ADAM32: variants seen among roughly 807,000 people sequenced by gnomAD.
ADAM32 encodes the protein ADAM metallopeptidase domain 32.
In ADAM32, 89 loss-of-function variants were observed where a neutral mutation model predicts 114.9. The ratio of observed to expected loss-of-function variants is 0.77; its 90% CI spans 0.65 to 0.92. ADAM32 has a LOEUF of 0.92. Among genes scored for constraint, ADAM32 ranks in the 40% least tolerant of loss-of-function variants. The probability of loss-of-function intolerance (pLI) is 0.00; values close to 1 mark genes in which losing one functional copy is unlikely to be tolerated. For synonymous variants in ADAM32, 285 were observed against 307.5 expected, an observed-to-expected ratio of 0.93 and a Z score of 0.77; for missense variants, 870 against 932.8, an observed-to-expected ratio of 0.93 and a Z score of 0.88.
intron 4 of ADAM32, among the ~76,000 whole-genome samples, chr8:39,147,987 C>T (rs960840313): frequency 6.6e-6 from 1 of 152,004 alleles, no homozygotes; most frequent in Admixed American, 6.6e-5. Flanking sequence ...CCATGTTGGC[C>T]AGGCTTGTCT....
rs2129451942 is a variant in ADAM32, at chr8:39,284,831, A to G, written c.*32A>G. 6.2e-7 allele frequency: 1 copy of G among 1,612,260 alleles called. No homozygotes were observed. The highest frequency in any genetic ancestry group is 8.5e-7 in the Non-Finnish European group (1 of 1,178,470). ...CTTCAGAAGGCAACGGATAACATCG[A>G]GAGTCTCGCTAAGAAATGAAAATTC... On this transcript the variant is annotated 3_prime_UTR_variant, in exon 25 of 25. Coordinates refer to ENST00000379907, the MANE Select transcript of ADAM32 (RefSeq NM_145004.7).
At chr8:39,270,012 G>C (rs544290758) in intron 19 of ADAM32, among the ~76,000 whole-genome samples, 1 of 148,516 alleles carries the variant, frequency 6.7e-6, no homozygotes, top group East Asian at 2.0e-4. Context: ...AAAACCGTCA[G>C]ATCTCATGAG....
In ADAM32 at chr8:39,118,102, T is replaced by G; in HGVS notation, c.75T>G (p.Leu25=). The G allele has an allele frequency of 6.7e-7, 1 of 1,492,142 alleles. No homozygotes were observed. The allele number at this position is 1,492,142 out of a possible 1,614,324, so 92.4% of individuals were successfully genotyped here. A position where few individuals can be genotyped will look rare whatever the true frequency, so the allele number is the denominator to read the frequency against. ...LASRPGFQNS[L]LQIVIPEKIQ... is the part of the protein sequence containing the mutation. ...TCTCTTCAGGTTTTCAAAATTCACTTCTACAGATCGTAATTCCAGAGAAAA... is the reference window on the plus strand; with the variant it reads ...TCTCTTCAGGTTTTCAAAATTCACTGCTACAGATCGTAATTCCAGAGAAAA... The change falls in exon 2 of 25, where the codon CTT becomes CTG. Residue 25 remains leucine (L), a synonymous_variant. Transcript: ENST00000379907.
intron 10 of ADAM32, among the ~76,000 whole-genome samples, chr8:39,184,947 G>C (rs927051877): frequency 4.6e-5 from 7 of 152,108 alleles, no homozygotes; most frequent in African/African-American, 1.7e-4. Flanking sequence ...GTGCCGCATG[G>C]CCTGTAACAC....
intron 19 of ADAM32, among the ~76,000 whole-genome samples, chr8:39,258,022 C>A (rs1046582427): frequency 1.6e-4 from 24 of 152,062 alleles, no homozygotes; most frequent in Non-Finnish European, 7.4e-5. Context: ...ATACACGTGG[C>A]ATTATCCATA....
At chr8:39,156,206 G>A (rs1255231588) in intron 6 of ADAM32, among the ~76,000 whole-genome samples, 1 of 152,098 alleles carries the variant, frequency 6.6e-6, no homozygotes. Flanking sequence ...TGGTGCTGGT[G>A]CTGTGATCAC....
At chr8:39,108,406 G>C (rs1474812748) in intron 1 of ADAM32, among the ~76,000 whole-genome samples, 1 of 152,206 alleles carries the variant, frequency 6.6e-6, no homozygotes, top group Non-Finnish European at 1.5e-5. Context: ...AGAACTATGA[G>C]GAAAATAAAT....
intron 1 of ADAM32, among the ~76,000 whole-genome samples, chr8:39,113,793 G>A (rs1407520736): frequency 1.3e-5 from 2 of 152,068 alleles, no homozygotes; most frequent in Non-Finnish European, 2.9e-5. Context: ...AAATCAAAAC[G>A]GTCAGTGTCC....
intron 2 of ADAM32, among the ~76,000 whole-genome samples, chr8:39,124,420 T>C (rs953057968): frequency 6.6e-5 from 10 of 151,628 alleles, no homozygotes; most frequent in African/African-American, 2.2e-4. Flanking sequence ...TTTTCTTTTT[T>C]TTTTTTTTTA....
At chr8:39,281,094 A>T in intron 22 of ADAM32, 42 bp from the exon 23 acceptor site, 1 of 1,075,574 alleles carries the variant, frequency 9.3e-7, no homozygotes, top group Non-Finnish European at 1.2e-6. Flanking sequence ...TTTATTTTTA[A>T]TAATAGATAT....
rs184514142 is a variant in ADAM32, at chr8:39,123,192, T to A, written c.138+5027T>A. ...AGGTTTATTTCTGGACTTTCATGTCTTTGCCATTTATCTAGCTGGCTTTCT... is the reference window on the plus strand; with the variant it reads ...AGGTTTATTTCTGGACTTTCATGTCATTGCCATTTATCTAGCTGGCTTTCT... On this transcript the variant is annotated intron_variant, in intron 2 of 24. Transcript: ENST00000379907. Among the ~76,000 whole-genome samples the A allele has an allele frequency of 2.1e-5, 3 of 141,990 alleles. No individual in the cohort carries two copies. The Admixed American group carries it at 2.1e-4, about 10-fold the overall frequency. The allele number at this position is 141,990 out of a possible 152,430, so 93.2% of individuals were successfully genotyped here.
chr8:39,237,215 G>A (rs1418284000), intron 16 of ADAM32, among the ~76,000 whole-genome samples: 5 of 152,150 alleles, frequency 3.3e-5, no homozygotes, highest in Non-Finnish European at 5.9e-5. Context: ...CCAGTTCTCA[G>A]GGAAGCCCTG....
intron 16 of ADAM32, among the ~76,000 whole-genome samples, chr8:39,243,807 G>GA: frequency 6.6e-6 from 1 of 152,014 alleles, no homozygotes; most frequent in Non-Finnish European, 1.5e-5. Context: ...AAGAAAGAAA[G>GA]AAAGAGTATT....
intron 17 of ADAM32, among the ~76,000 whole-genome samples, chr8:39,250,777 T>C (rs1811235273): frequency 6.6e-6 from 1 of 151,994 alleles, no homozygotes; most frequent in Non-Finnish European, 1.5e-5. Flanking sequence ...TCTTACTTCT[T>C]CTTTCAAACT....
At chr8:39,190,283 C>G (rs1470961029) in intron 11 of ADAM32, among the ~76,000 whole-genome samples, 1 of 152,128 alleles carries the variant, frequency 6.6e-6, no homozygotes, top group Admixed American at 6.5e-5. Context: ...TTTTCTTTAT[C>G]CATTCATCCA....
intron 12 of ADAM32, among the ~76,000 whole-genome samples, chr8:39,212,810 G>A: frequency 6.6e-6 from 1 of 152,210 alleles, no homozygotes. Flanking sequence ...ATGTTTATAA[G>A]AAATTGCCAA....
chr8:39,221,780 C>T (rs2129448821), intron 13 of ADAM32, 78 bp downstream of exon 13: 2 of 807,446 alleles, frequency 2.5e-6, no homozygotes, highest in African/African-American at 1.8e-5. Flanking sequence ...AGACCTACAG[C>T]TGTAATTACA....
chr8:39,165,185 A>G lies in ADAM32; in HGVS notation c.822A>G (p.Ala274=), dbSNP rs368975266. 19 of 1,550,522 alleles carry G rather than the reference A, an allele frequency of 1.2e-5. No individual in the cohort carries two copies. In the East Asian group the frequency reaches 1.6e-4, roughly 13 times the overall value. ...SYLNLRPHDI[A]YLLIYMDYPR... is the part of the protein sequence containing the mutation. ...TTAACCTAAGGCCTCATGATATTGC[A>G]TATCTACTAATGTAAGAATAATGTT... The change falls in exon 9 of 25, where the codon GCA becomes GCG. Residue 274 remains alanine (A), a synonymous_variant. Transcript: ENST00000379907.
At chr8:39,252,352 C>T (rs2129450399) in intron 17 of ADAM32, among the ~76,000 whole-genome samples, 1 of 150,020 alleles carries the variant, frequency 6.7e-6, no homozygotes, top group South Asian at 2.1e-4. Context: ...AGTGAACAAC[C>T]ATTGGGCTAA....
Sources: gnomAD v4.1 joint callset for allele counts (sites outside exome capture counted in the v4.1 genomes callset) on GRCh38, gnomAD v4.1.1 for gene constraint, MANE v1.5 for transcripts, NCBI Gene and HGNC (gene_info 2026-07-23, HGNC 2026-07-21) for gene names.